The following ZNF44 variants were observed in gnomAD, a reference collection of about 807,000 sequenced individuals.
ZNF44 encodes the protein zinc finger protein 44, also known as gonadotropin inducible transcription repressor-2.
A neutral mutation model predicts 11.7 loss-of-function variants in ZNF44; 9 were observed. The ratio of observed to expected loss-of-function variants is 0.77; its 90% CI spans 0.46 to 1.35. The LOEUF (loss-of-function observed/expected upper bound fraction) is 1.35. ZNF44 is among the 40% of genes most tolerant of loss of function. ZNF44 has a pLI of 0.00. For synonymous variants in ZNF44, 224 were observed against 242.7 expected, an observed-to-expected ratio of 0.92 and a Z score of 0.72; for missense variants, 696 against 743.1, an observed-to-expected ratio of 0.94 and a Z score of 0.74.
chr19:12,291,752 T>C (rs745870662), intron 1 of ZNF44, among the ~76,000 whole-genome samples: 9 of 151,354 alleles, frequency 5.9e-5, no homozygotes, highest in African/African-American at 1.7e-4. Flanking sequence ...AGAACTTTCA[T>C]TGGCCGAGGC....
At chr19:12,229,201 AT>A (rs1238401304) in intron 3 of ZNF44, among the ~76,000 whole-genome samples, 4 of 152,112 alleles carry the variant, frequency 2.6e-5, no homozygotes, top group South Asian at 2.1e-4. Context: ...TAGTTACAAT[AT>A]TTTTTTTCTC....
At chr19:12,245,062 C>A (rs1204342395), downstream of ZNF44, among the ~76,000 whole-genome samples, 1 of 152,036 alleles carries the variant, frequency 6.6e-6, no homozygotes, top group Non-Finnish European at 1.5e-5. Flanking sequence ...CTGTGGTATT[C>A]TAAATGAGAA....
chr19:12,282,059 T>C (rs892217877), intron 1 of ZNF44, among the ~76,000 whole-genome samples: 4 of 152,116 alleles, frequency 2.6e-5, no homozygotes, highest in Non-Finnish European at 5.9e-5. Context: ...ACACCAAAAC[T>C]AGACAGACAT....
chr19:12,270,443 CCATTT>C (rs1966913162), downstream of ZNF44, among the ~76,000 whole-genome samples: 1 of 151,574 alleles, frequency 6.6e-6, no homozygotes, highest in South Asian at 2.1e-4. Context: ...CAATTTACAC[CCATTT>C]CAACTTTTTT....
downstream of ZNF44, among the ~76,000 whole-genome samples, chr19:12,270,606 C>T (rs1274289180): frequency 1.3e-5 from 2 of 151,982 alleles, no homozygotes; most frequent in South Asian, 2.1e-4. Context: ...CGCATGACAC[C>T]AGGCCCAGCT....
chr19:12,267,038 T>C (rs11879289), downstream of ZNF44, among the ~76,000 whole-genome samples: 22 of 147,970 alleles, frequency 1.5e-4, no homozygotes, highest in African/African-American at 5.0e-4. Context: ...CATTTTTTCT[T>C]TTTTCTTTTT....
Position 12,248,250 on chromosome 19 carries a change from C to T in ZNF44, c.*615G>A, listed in dbSNP as rs529069449. 95 of 1,298,972 alleles carry T rather than the reference C, an allele frequency of 7.3e-5. 1 individual carries two copies. In the African/African-American group the frequency reaches 1.1e-3, roughly 15 times the overall value. The allele number at this position is 1,298,972 out of a possible 1,614,324, so 80.5% of individuals were successfully genotyped here. Reference sequence around the variant, plus strand: ...ATGTTTTTGAGCAGATTGGTGGTATCGGAATGCTTTTCCACATTCTTTACA... The same window carrying T: ...ATGTTTTTGAGCAGATTGGTGGTATTGGAATGCTTTTCCACATTCTTTACA... On this transcript the variant is annotated 3_prime_UTR_variant and NMD_transcript_variant, in exon 8 of 8. Transcript: ENST00000393337.
At chr19:12,233,650 G>T (rs1916255899) in intron 2 of ZNF44, among the ~76,000 whole-genome samples, 1 of 150,280 alleles carries the variant, frequency 6.7e-6, no homozygotes, top group Non-Finnish European at 1.5e-5. Flanking sequence ...TTATAAATAT[G>T]TTCACAGAAC....
chr19:12,263,837 A>G (rs1054117478), intron 5 of ZNF44, among the ~76,000 whole-genome samples: 42 of 151,400 alleles, frequency 2.8e-4, no homozygotes, highest in Non-Finnish European at 1.2e-4. Context: ...AGGAAGGAGA[A>G]TGGCGTAAAC....
intron 1 of ZNF44, among the ~76,000 whole-genome samples, chr19:12,279,024 C>T (rs983643894): frequency 2.0e-5 from 3 of 152,138 alleles, no homozygotes; most frequent in Non-Finnish European, 4.4e-5. Context: ...TGGAAGAGGT[C>T]AGGTTTTTGT....
At chr19:12,271,123 G>A (rs1023119573), downstream of ZNF44, among the ~76,000 whole-genome samples, 10 of 152,224 alleles carry the variant, frequency 6.6e-5, no homozygotes, top group Admixed American at 3.3e-4. Context: ...ATTTGGACAC[G>A]CGAAAAATTT....
chr19:12,235,114 T>C (rs1404729576), intron 1 of ZNF44, among the ~76,000 whole-genome samples: 2 of 152,074 alleles, frequency 1.3e-5, no homozygotes, highest in Non-Finnish European at 2.9e-5. Flanking sequence ...TGGTGGCTCA[T>C]GCCTGTAATC....
chr19:12,248,884 A>T (rs1399459084), intron 7 of ZNF44, among the ~76,000 whole-genome samples: 2 of 151,034 alleles, frequency 1.3e-5, no homozygotes, highest in Non-Finnish European at 2.9e-5. Context: ...TGATTTTCAT[A>T]TATGGGTTTC....
downstream of ZNF44, among the ~76,000 whole-genome samples, chr19:12,247,118 T>C (rs1176157282): frequency 1.3e-5 from 2 of 152,126 alleles, no homozygotes; most frequent in East Asian, 3.8e-4. Flanking sequence ...ATAATATTTT[T>C]TCATGGCATG....
chr19:12,246,518 CA>C (rs1323456226), downstream of ZNF44, among the ~76,000 whole-genome samples: 6 of 145,958 alleles, frequency 4.1e-5, no homozygotes, highest in African/African-American at 1.6e-4. Flanking sequence ...CTCCCAGTAC[CA>C]AACTGTCATT....
chr19:12,292,855 G>GTTTTTTTTTTTTTTTT (rs71166664), intron 1 of ZNF44, among the ~76,000 whole-genome samples: 2 of 76,916 alleles, frequency 2.6e-5, no homozygotes, highest in African/African-American at 9.7e-5. Flanking sequence ...CAGAGGTTAG[G>GTTTTTTTTTTTTTTTT]TTTTTTTTTT....
chr19:12,272,212 C>T lies in ZNF44; in HGVS notation c.*195G>A. On this transcript the variant is annotated 3_prime_UTR_variant, in exon 4 of 4. Coordinates refer to ENST00000355684, the MANE Select transcript of ZNF44 (RefSeq NM_016264.4). ...GTAGAGACAGGGTTTCCCATGTTAG[C>T]CAGGCTGGTCTCGATCTCCTGGCCT... 2 of 881,088 alleles carry T rather than the reference C, an allele frequency of 2.3e-6. No individual in the cohort carries two copies. Among genetic ancestry groups the T allele is most frequent in the Non-Finnish European group, 1.5e-6 (1 of 662,856 alleles). The allele number at this position is 881,088 out of a possible 1,614,324, so 54.6% of individuals were successfully genotyped here.
rs1967061690 is a variant in ZNF44, at chr19:12,273,427, A to C, written c.828T>G (p.Thr276=). 1.2e-6 allele frequency: 2 copies of C among 1,614,194 alleles called. No individual in the cohort carries two copies. The highest frequency in any genetic ancestry group is 1.7e-6 in the Non-Finnish European group (2 of 1,180,040). ...GTTTACATTTGTAGGGTTTCTCTCC[A>C]GTGTGAGTTCTTTCATGTCTTAGAT... The part of the protein sequence containing the change: ...SSYLRHERTH[T]GEKPYKCKQC... Residue 276 remains threonine, a synonymous_variant, in exon 4 of 4, where the codon ACT becomes ACG. Transcript: ENST00000355684.
intron 1 of ZNF44, among the ~76,000 whole-genome samples, chr19:12,288,696 T>G: frequency 6.9e-6 from 1 of 145,262 alleles, no homozygotes; most frequent in African/African-American, 2.6e-5. Flanking sequence ...AGGCGGAGGT[T>G]GCAGTGAGCC....
Sources: gnomAD v4.1 joint callset for allele counts (sites outside exome capture counted in the v4.1 genomes callset) on GRCh38, gnomAD v4.1.1 for gene constraint, MANE v1.5 for transcripts, NCBI Gene and HGNC (gene_info 2026-07-23, HGNC 2026-07-21) for gene names.